Variants in ERC2 observed in about 807,000 individuals in gnomAD.
ERC2 encodes ELKS/RAB6-interacting/CAST family member 2.
In ERC2, 42 loss-of-function variants were observed where a neutral mutation model predicts 114.8. That is an observed-to-expected ratio of 0.37 (90% CI 0.29 to 0.47). The LOEUF is 0.47. Ranked by LOEUF, ERC2 falls within the 20% of genes least tolerant of loss-of-function variation. ERC2 has a pLI of 0.99. For missense variants in ERC2, 939 were observed against 1,150.7 expected (o/e 0.82, Z 2.66); for synonymous variants, 454 against 425.5 (o/e 1.07, Z -0.82).
chr3:56,424,929 G>T (rs1231359407), intron 2 of ERC2, among the ~76,000 whole-genome samples: 1 of 152,088 alleles, frequency 6.6e-6, no homozygotes, highest in African/African-American at 2.4e-5. Context: ...CTTCAACTCG[G>T]AATTAAAATG....
At chr3:56,350,202 G>A (rs758289343) in intron 2 of ERC2, among the ~76,000 whole-genome samples, 1 of 152,208 alleles carries the variant, frequency 6.6e-6, no homozygotes, top group Non-Finnish European at 1.5e-5. Context: ...TGTGTTATTA[G>A]TGCAGAAGGA....
intron 17 of ERC2, among the ~76,000 whole-genome samples, chr3:55,646,016 A>T (rs1462813658): frequency 6.6e-6 from 1 of 152,210 alleles, no homozygotes; most frequent in Non-Finnish European, 1.5e-5. Flanking sequence ...GAATTAGTCT[A>T]TGAACTCTAC....
chr3:56,230,701 T>C (rs6445777), intron 3 of ERC2, among the ~76,000 whole-genome samples: 81,882 of 152,154 alleles, frequency 0.54, 22,679 homozygotes, highest in East Asian at 0.84. Flanking sequence ...AAACATTGCC[T>C]TCTTAATAGC....
rs557734586 is a variant in ERC2 at position 55,652,207 on chromosome 3, C to T, written c.*39+31587G>A. Among the ~76,000 whole-genome samples, 86 of 152,314 alleles carry T rather than the reference C, an allele frequency of 5.6e-4. 1 individual carries two copies. The highest frequency in any genetic ancestry group is 6.8e-3 in the Middle Eastern group (2 of 294). Reference sequence around the variant, plus strand: ...TAGCTGCTCGTTGTAAAGGGCAGTGCACTGTGTTTATTTATCATCTACAAC... The same window carrying T: ...TAGCTGCTCGTTGTAAAGGGCAGTGTACTGTGTTTATTTATCATCTACAAC... On this transcript the variant is annotated intron_variant, in intron 17 of 17. Coordinates refer to ENST00000288221, the MANE Select transcript of ERC2 (RefSeq NM_015576.3).
chr3:56,126,751 T>G (rs1288943490), intron 6 of ERC2, among the ~76,000 whole-genome samples: 1 of 129,710 alleles, frequency 7.7e-6, no homozygotes, highest in Non-Finnish European at 1.6e-5. Flanking sequence ...TGAGATCTTG[T>G]AAGAAAAAAA....
chr3:55,936,832 C>A (rs963882353), intron 13 of ERC2, among the ~76,000 whole-genome samples: 10 of 152,188 alleles, frequency 6.6e-5, no homozygotes, highest in African/African-American at 2.4e-4. Context: ...AACATGACAT[C>A]ATCAGCATCC....
intron 2 of ERC2, among the ~76,000 whole-genome samples, chr3:56,315,266 C>T: frequency 6.6e-6 from 1 of 151,922 alleles, no homozygotes. Flanking sequence ...ATTTTTTTTC[C>T]TAAAAATCTA....
At chr3:56,346,933 A>C in intron 2 of ERC2, among the ~76,000 whole-genome samples, 1 of 152,304 alleles carries the variant, frequency 6.6e-6, no homozygotes, top group Non-Finnish European at 1.5e-5. Context: ...TAATCCATTC[A>C]TAAGGGAGGA....
chr3:55,662,130 C>T (rs2061164131), intron 17 of ERC2, among the ~76,000 whole-genome samples: 1 of 152,240 alleles, frequency 6.6e-6, no homozygotes, highest in Admixed American at 6.5e-5. Context: ...AAACTCAAGA[C>T]TCAGATTGGA....
intron 17 of ERC2, among the ~76,000 whole-genome samples, chr3:55,649,506 C>T (rs890299793): frequency 6.6e-6 from 1 of 152,272 alleles, no homozygotes; most frequent in Admixed American, 6.5e-5. Context: ...ATGATCCATC[C>T]GCCTTGGCCT....
chr3:55,883,674 G>A (rs1263826844), intron 14 of ERC2, among the ~76,000 whole-genome samples: 2 of 152,206 alleles, frequency 1.3e-5, no homozygotes, highest in East Asian at 1.9e-4. Context: ...TGGATCACGA[G>A]GTCAGGAGAT....
chr3:55,546,889 T>G (rs543448103), intron 17 of ERC2, among the ~76,000 whole-genome samples: 68 of 152,298 alleles, frequency 4.5e-4, no homozygotes, highest in South Asian at 1.0e-3. Flanking sequence ...TCTCCTGAGG[T>G]CTGAAGCTCA....
chr3:56,125,946 T>C (rs1049065225), intron 6 of ERC2, among the ~76,000 whole-genome samples: 4 of 152,202 alleles, frequency 2.6e-5, no homozygotes, highest in African/African-American at 9.7e-5. Flanking sequence ...TTTTTAATGT[T>C]TTATTATATA....
intron 1 of ERC2, among the ~76,000 whole-genome samples, chr3:56,459,576 G>A (rs1207471080): frequency 1.3e-5 from 2 of 151,880 alleles, no homozygotes; most frequent in Non-Finnish European, 2.9e-5. Context: ...ATAATTAAGT[G>A]AGCAAAATGT....
intron 3 of ERC2, among the ~76,000 whole-genome samples, chr3:56,251,101 G>A (rs2052121030): frequency 6.6e-6 from 1 of 152,280 alleles, no homozygotes; most frequent in African/African-American, 2.4e-5. Context: ...TTATACACAT[G>A]TAAGGGCTGA....
chr3:55,784,328 G>A (rs905214889), intron 14 of ERC2, among the ~76,000 whole-genome samples: 31 of 152,136 alleles, frequency 2.0e-4, no homozygotes, highest in African/African-American at 7.0e-4. Flanking sequence ...TTACAGAAAT[G>A]CCAGAAGTTC....
intron 13 of ERC2, 112 bp from the exon 14 acceptor site, chr3:55,888,661 A>T: frequency 1.5e-6 from 2 of 1,307,938 alleles, no homozygotes; most frequent in Non-Finnish European, 2.1e-6. Flanking sequence ...GGATCCTTGA[A>T]CTGGGCCGCT....
chr3:56,314,936 C>T (rs192450769), intron 2 of ERC2, among the ~76,000 whole-genome samples: 5 of 152,204 alleles, frequency 3.3e-5, no homozygotes, highest in African/African-American at 9.7e-5. Context: ...GGTCACTGCA[C>T]TGCAGAGGGC....
intron 12 of ERC2, among the ~76,000 whole-genome samples, chr3:55,985,372 T>C (rs1434312939): frequency 6.6e-6 from 1 of 152,200 alleles, no homozygotes; most frequent in Non-Finnish European, 1.5e-5. Flanking sequence ...AATTAAAGTA[T>C]GCCTTATGGA....
Sources: gnomAD v4.1 joint callset for allele counts (sites outside exome capture counted in the v4.1 genomes callset) on GRCh38, gnomAD v4.1.1 for gene constraint, MANE v1.5 for transcripts, NCBI Gene and HGNC (gene_info 2026-07-23, HGNC 2026-07-21) for gene names.